Variants in PAPSS1 observed in about 807,000 individuals in gnomAD.
PAPSS1 encodes the protein bifunctional 3'-phosphoadenosine 5'-phosphosulfate synthase 1.
Under a neutral mutation model 72.0 loss-of-function variants are expected in PAPSS1, and 50 were observed. The ratio of observed to expected loss-of-function variants is 0.69; its 90% CI spans 0.55 to 0.88. The LOEUF (loss-of-function observed/expected upper bound fraction) is 0.88, where lower values mean the gene tolerates loss of function less well. PAPSS1 is among the 40% of genes least tolerant of loss of function. The probability of loss-of-function intolerance (pLI) is 0.00; values close to 1 mark genes in which losing one functional copy is unlikely to be tolerated. For synonymous variants in PAPSS1, 261 were observed against 263.6 expected (o/e 0.99, Z 0.09); for missense variants, 657 against 782.2 (o/e 0.84, Z 1.91).
At chr4:107,717,441 C>A (rs1365990048) in intron 1 of PAPSS1, among the ~76,000 whole-genome samples, 2 of 152,114 alleles carry the variant, frequency 1.3e-5, no homozygotes, top group Non-Finnish European at 2.9e-5. Context: ...AGAGCTAACT[C>A]TAATTGTCAC....
chr4:107,626,833 T>G (rs1293830353), intron 11 of PAPSS1, among the ~76,000 whole-genome samples: 1 of 152,216 alleles, frequency 6.6e-6, no homozygotes, highest in Non-Finnish European at 1.5e-5. Flanking sequence ...CGTATTACCA[T>G]CAACTTAATT....
intron 11 of PAPSS1, among the ~76,000 whole-genome samples, chr4:107,618,708 T>C (rs1014001090): frequency 2.0e-5 from 3 of 152,102 alleles, no homozygotes; most frequent in Non-Finnish European, 4.4e-5. Context: ...GTGTGGAGAA[T>C]CTGCATGTGA....
intron 11 of PAPSS1, among the ~76,000 whole-genome samples, chr4:107,629,315 G>C (rs962496162): frequency 6.6e-6 from 1 of 152,132 alleles, no homozygotes; most frequent in Non-Finnish European, 1.5e-5. Flanking sequence ...TTTTAAGAAG[G>C]GACAAAATGA....
intron 3 of PAPSS1, among the ~76,000 whole-genome samples, chr4:107,689,851 C>T (rs766759304): frequency 6.6e-6 from 1 of 152,156 alleles, no homozygotes; most frequent in Non-Finnish European, 1.5e-5. Flanking sequence ...ATGAAATACG[C>T]ATGTCCTCCC....
chr4:107,695,785 A>C (rs1183801074), intron 2 of PAPSS1, among the ~76,000 whole-genome samples: 1 of 152,192 alleles, frequency 6.6e-6, no homozygotes, highest in African/African-American at 2.4e-5. Flanking sequence ...GTGATGGATT[A>C]CATTTACTGA....
chr4:107,682,000 T>C lies in PAPSS1; in HGVS notation c.669+15A>G. The C allele has an allele frequency of 7.9e-7, 1 of 1,270,138 alleles. No homozygotes were observed. Among genetic ancestry groups the C allele is most frequent in the Non-Finnish European group, 1.1e-6 (1 of 890,818 alleles). The allele number at this position is 1,270,138 out of a possible 1,614,324, so 78.7% of individuals were successfully genotyped here. On this transcript the variant is annotated intron_variant, in intron 5 of 11. Coordinates refer to ENST00000265174, the MANE Select transcript of PAPSS1 (RefSeq NM_005443.5). ...TAATTTTTCTCTGATGATTCCTTCT[T>C]TCATCCTCTCTTACCCGTTCCTGTA...
In PAPSS1 at chr4:107,653,569, C is replaced by CTA; in HGVS notation, c.1158_1159insTA (p.Val387Ter). On this transcript the variant is annotated frameshift_variant, in exon 9 of 12. Coordinates refer to ENST00000265174, the MANE Select transcript of PAPSS1 (RefSeq NM_005443.5). LOFTEE classifies it high-confidence loss of function. ...TGATCAAGACCATCATTCCAATAAA[C>CTA]TCGATCCAAGACTTGAAGATCTCCT... 1 of 1,613,404 alleles carries CTA rather than the reference C, an allele frequency of 6.2e-7. No individual in the cohort carries two copies. The highest frequency in any genetic ancestry group is 1.1e-5 in the South Asian group (1 of 90,968).
intron 5 of PAPSS1, among the ~76,000 whole-genome samples, chr4:107,672,622 G>A (rs1446855796): frequency 6.6e-6 from 1 of 152,198 alleles, no homozygotes; most frequent in African/African-American, 2.4e-5. Context: ...GCCTGCCTCT[G>A]TAGACTCCAC....
intron 11 of PAPSS1, among the ~76,000 whole-genome samples, chr4:107,617,050 T>G (rs1725842562): frequency 6.6e-6 from 1 of 152,142 alleles, no homozygotes; most frequent in African/African-American, 2.4e-5. Context: ...GCTTGTGGGC[T>G]ATCCACTCAC....
chr4:107,614,436 G>C (rs755439990), intron 11 of PAPSS1, 49 bp from the exon 12 acceptor site: 1 of 1,474,792 alleles, frequency 6.8e-7, no homozygotes, highest in Admixed American at 1.8e-5. Context: ...TAGAAACTTA[G>C]ATTTTTAAAA....
At chr4:107,652,130 C>T (rs1726856399) in intron 9 of PAPSS1, among the ~76,000 whole-genome samples, 1 of 152,112 alleles carries the variant, frequency 6.6e-6, no homozygotes, top group Admixed American at 6.5e-5. Context: ...AGCTATATAC[C>T]CCAAAAAGGC....
At chr4:107,631,524 G>C in intron 11 of PAPSS1, 107 bp downstream of exon 11, 2 of 715,476 alleles carry the variant, frequency 2.8e-6, no homozygotes, top group Middle Eastern at 2.6e-4. Context: ...TCTGACATGA[G>C]TACCACAAAA....
intron 5 of PAPSS1, among the ~76,000 whole-genome samples, chr4:107,680,077 A>G (rs1727762357): frequency 2.0e-5 from 3 of 152,162 alleles, no homozygotes; most frequent in Admixed American, 2.0e-4. Context: ...AAACTGTGGG[A>G]CAACATATTA....
intron 4 of PAPSS1, among the ~76,000 whole-genome samples, chr4:107,685,773 G>C (rs1722767225): frequency 6.6e-6 from 1 of 152,134 alleles, no homozygotes; most frequent in Admixed American, 6.5e-5. Flanking sequence ...AAATACAGAA[G>C]AACCCAGAAT....
chr4:107,671,041 G>T (rs1302705214), intron 5 of PAPSS1, among the ~76,000 whole-genome samples: 2 of 152,252 alleles, frequency 1.3e-5, no homozygotes, highest in African/African-American at 4.8e-5. Flanking sequence ...ATCATACAGT[G>T]TCAATTTACC....
Position 107,656,936 on chromosome 4 carries a change from C to T in PAPSS1, c.855G>A (p.Arg285=), listed in dbSNP as rs769651158. ...ATPLNGFMRE[R]EYLQCLHFDC... is the part of the protein sequence containing the mutation. ...CAAAATGAAGGCACTGCAAGTACTCCCTCTCTCTCATAAAGCCATTCAATG... is the reference window on the plus strand; with the variant it reads ...CAAAATGAAGGCACTGCAAGTACTCTCTCTCTCTCATAAAGCCATTCAATG... Residue 285 remains arginine (R), a synonymous_variant, in exon 7 of 12, where the codon AGG becomes AGA. Transcript: ENST00000265174. The T allele has an allele frequency of 9.3e-6, 15 of 1,613,142 alleles. No individual in the cohort carries two copies. The highest frequency in any genetic ancestry group is 1.3e-5 in the Non-Finnish European group (15 of 1,179,336).
chr4:107,657,102 GA>G, intron 6 of PAPSS1, 95 bp from the exon 7 acceptor site: 1 of 789,792 alleles, frequency 1.3e-6, no homozygotes, highest in Non-Finnish European at 2.3e-6. Flanking sequence ...GAAAGCAATG[GA>G]AACAAACAGT....
rs1723667973 is a variant in PAPSS1, at chr4:107,717,421, G to GATAAC, written c.60+2694_60+2698dup. Among the ~76,000 whole-genome samples, 3 of 152,166 alleles carry GATAAC rather than the reference G, an allele frequency of 2.0e-5. No individual in the cohort carries two copies. In the South Asian group the frequency reaches 6.2e-4, roughly 32 times the overall value. On this transcript the variant is annotated intron_variant, in intron 1 of 11. Transcript: ENST00000265174. ...GCAAATGCTAATTGTAATAGAGGATGATAACAGTAAGAGCTAACTCTAATT... is the reference window on the plus strand; with the variant it reads ...GCAAATGCTAATTGTAATAGAGGATGATAACATAACAGTAAGAGCTAACTCTAATT...
At chr4:107,644,664 G>A in intron 10 of PAPSS1, 138 bp downstream of exon 10, 3 of 778,340 alleles carry the variant, frequency 3.9e-6, no homozygotes, top group Non-Finnish European at 5.7e-6. Context: ...TCCCTAACGA[G>A]CAGGAAAGAA....
Sources: allele counts gnomAD v4.1 joint callset (sites outside exome capture counted in the v4.1 genomes callset), GRCh38; gene constraint gnomAD v4.1.1; transcripts MANE v1.5; gene names NCBI Gene and HGNC (gene_info 2026-07-23, HGNC 2026-07-21).